The following SDK2 variants were observed in gnomAD, a reference collection of about 807,000 sequenced individuals.
SDK2 encodes protein sidekick-2.
SDK2 carries 105 observed loss-of-function variants against 253.9 expected under a neutral mutation model. That is an observed-to-expected ratio of 0.41 (90% CI 0.35 to 0.49). SDK2 has a LOEUF of 0.49. SDK2 is among the 20% of genes least tolerant of loss of function. The probability of loss-of-function intolerance (pLI) is 0.06; values close to 1 mark genes in which losing one functional copy is unlikely to be tolerated. For missense variants in SDK2, 2,608 were observed against 3,003.0 expected, an observed-to-expected ratio of 0.87 and a Z score of 3.07; for synonymous variants, 1,249 against 1,234.9, an observed-to-expected ratio of 1.01 and a Z score of -0.24.
intron 24 of SDK2, among the ~76,000 whole-genome samples, chr17:73,397,386 G>T (rs2062979680): frequency 1.3e-5 from 2 of 152,200 alleles, no homozygotes; most frequent in South Asian, 2.1e-4. Context: ...GATTCCCCGG[G>T]TTGGGACCTC....
In SDK2 at chr17:73,395,263, T is replaced by C. The variant is rs779502040; in HGVS notation, c.3484A>G (p.Ile1162Val). The C allele has an allele frequency of 6.2e-7, 1 of 1,613,892 alleles. No individual in the cohort carries two copies. Among genetic ancestry groups the C allele is most frequent in the East Asian group, 2.2e-5 (1 of 44,878 alleles). Residue 1162 changes from isoleucine to valine, a missense_variant, in exon 25 of 45, where the codon ATC (isoleucine) becomes GTC (valine). Ile to Val is a conservative substitution (Grantham distance 29, BLOSUM62 3). Around this residue, in one of 2 missense-constraint regions of SDK2, gnomAD observed 1,505 missense variants for 1,859.1 expected, o/e 0.81. Coordinates refer to ENST00000392650, the MANE Select transcript of SDK2 (RefSeq NM_001144952.2). This position sits in a 1 kb window ranked among gnomAD's most constrained non-coding sequence, Gnocchi z 4.3. The stretch of plus-strand genomic sequence containing the variant: ...TCTGTCCACTCCTCCAGGTCCTCGA[T>C]GGTGTAGTCCCGCTCCACACGGTCC... ...VQDRVERDYTIEDLEEWTEYR... is the reference protein window; with the variant it reads ...VQDRVERDYTVEDLEEWTEYR...
In SDK2 at chr17:73,358,049, G is replaced by A. The variant is rs761118648; in HGVS notation, c.5593+30C>T. ...AGGAAGAAGGGAGATAATGAGCTGT[G>A]GGGTCTCAGCCCAGCAGGGCGGGGC... On this transcript the variant is annotated intron_variant, in intron 40 of 44. Transcript: ENST00000392650. 9.9e-6 allele frequency: 16 copies of A among 1,612,562 alleles called. No individual in the cohort carries two copies. The South Asian group carries it at 1.8e-4, about 18-fold the overall frequency.
intron 18 of SDK2, among the ~76,000 whole-genome samples, chr17:73,407,529 C>A (rs925170571): frequency 7.9e-5 from 12 of 152,256 alleles, no homozygotes; most frequent in African/African-American, 2.4e-4. Flanking sequence ...AAGACGTCCC[C>A]CTCCAACCCA....
At chr17:73,406,029 C>T (rs1333503714) in intron 18 of SDK2, among the ~76,000 whole-genome samples, 1 of 151,664 alleles carries the variant, frequency 6.6e-6, no homozygotes, top group Admixed American at 6.6e-5. Context: ...GGCCCCTCCT[C>T]TTATATATCT....
rs1372282994 is a variant in SDK2 at position 73,642,628 on chromosome 17, CAA to C, written c.64+1395_64+1396del. On this transcript the variant is annotated intron_variant, in intron 1 of 44. Transcript: ENST00000392650. The surrounding 1 kb of genome is among the most constrained non-coding windows in gnomAD (Gnocchi z 4.7). ...CCCCAGATCACAGAGTGGCCTTGGG[CAA>C]GTCATTTAATGCCATTTGGCCTCAG... Among the ~76,000 whole-genome samples the C allele has an allele frequency of 6.6e-6, 1 of 152,142 alleles. No individual in the cohort carries two copies. The highest frequency in any genetic ancestry group is 1.9e-4 in the East Asian group (1 of 5,180).
chr17:73,627,328 AAAATAACATG>A (rs2046214953), intron 1 of SDK2, among the ~76,000 whole-genome samples: 1 of 152,184 alleles, frequency 6.6e-6, no homozygotes, highest in Non-Finnish European at 1.5e-5. Context: ...GGCGGCACAT[AAAATAACATG>A]CCTTATAATT....
rs537900379 is a variant in SDK2, at chr17:73,420,188, G to A, written c.2046-882C>T. On this transcript the variant is annotated intron_variant, in intron 15 of 44. Transcript: ENST00000392650. The stretch of plus-strand genomic sequence containing the variant: ...AGCACGTCTTTCTCTGGCATTGCTG[G>A]GGGATGCTGTGTTCTGCCTAAGTGT... 2.4e-4 allele frequency among the ~76,000 whole-genome samples: 37 copies of A among 152,350 alleles called. 1 individual carries two copies. In the East Asian group the frequency reaches 6.9e-3, roughly 29 times the overall value.
At position 73,412,036 on chromosome 17, in the gene SDK2, G is replaced by GTA. The variant is rs1306513151; in HGVS notation, c.2484+2606_2484+2607dup. 6.6e-3 allele frequency among the ~76,000 whole-genome samples: 20 copies of GTA among 3,024 alleles called. No homozygotes were observed. In the East Asian group the frequency reaches 0.079, roughly 12 times the overall value. 2.0% of individuals were successfully genotyped at this position (3,024 alleles called of 152,430 possible). Reference sequence around the variant, plus strand: ...TAGATATACGTATATGTATATATACGTATATATATGTATATACGTATATGT... The same window carrying GTA: ...TAGATATACGTATATGTATATATACGTATATATATATGTATATACGTATATGT... On this transcript the variant is annotated intron_variant, in intron 18 of 44. Transcript: ENST00000392650.
chr17:73,629,711 C>T lies in SDK2; in HGVS notation c.64+14314G>A, dbSNP rs931012063. Among the ~76,000 whole-genome samples, 11 of 152,082 alleles carry T rather than the reference C, an allele frequency of 7.2e-5. No individual in the cohort carries two copies. The highest frequency in any genetic ancestry group is 1.9e-4 in the African/African-American group (8 of 41,388). ...CACAGGCTTGCTGCCTTCACTTGACCGTGAGCAATTTGAGGGCAAGGACCT... is the reference window on the plus strand; with the variant it reads ...CACAGGCTTGCTGCCTTCACTTGACTGTGAGCAATTTGAGGGCAAGGACCT... On this transcript the variant is annotated intron_variant, in intron 1 of 44. Transcript: ENST00000392650. This position sits in a 1 kb window ranked among gnomAD's most constrained non-coding sequence, Gnocchi z 5.0.
At chr17:73,502,812 T>G (rs1454720164) in intron 2 of SDK2, among the ~76,000 whole-genome samples, 1 of 152,222 alleles carries the variant, frequency 6.6e-6, no homozygotes, top group Non-Finnish European at 1.5e-5. Context: ...AGTCCCAAGT[T>G]ATCCCTCTAT....
chr17:73,423,665 T>C (rs2063253470), intron 13 of SDK2, 143 bp from the exon 14 acceptor site: 3 of 1,072,944 alleles, frequency 2.8e-6, no homozygotes, highest in East Asian at 2.8e-5. Context: ...GCCATCTACC[T>C]GGAGATTTTT....
intron 36 of SDK2, among the ~76,000 whole-genome samples, chr17:73,377,804 G>T (rs917534666): frequency 7.3e-5 from 11 of 151,590 alleles, no homozygotes; most frequent in Non-Finnish European, 7.4e-5. Context: ...TAGAGATGGG[G>T]TTTCACCATG....
At chr17:73,623,425 G>C (rs988562196) in intron 1 of SDK2, among the ~76,000 whole-genome samples, 1 of 152,126 alleles carries the variant, frequency 6.6e-6, no homozygotes, top group Non-Finnish European at 1.5e-5. Flanking sequence ...TTAAGTAGAG[G>C]AATAGAAAAG....
At chr17:73,555,787 A>G (rs1599675333) in intron 1 of SDK2, among the ~76,000 whole-genome samples, 1 of 152,322 alleles carries the variant, frequency 6.6e-6, no homozygotes, top group Non-Finnish European at 1.5e-5. Context: ...TATTCTGCAG[A>G]GGGGATCACT....
At chr17:73,607,685 T>C (rs117944288) in intron 1 of SDK2, among the ~76,000 whole-genome samples, 2,610 of 151,932 alleles carry the variant, frequency 0.017, 32 homozygotes, top group Non-Finnish European at 0.026. Flanking sequence ...CCAGAAGGGG[T>C]TGCAGGGCAG....
At chr17:73,426,173 T>C (rs1568398904) in intron 12 of SDK2, among the ~76,000 whole-genome samples, 1 of 146,238 alleles carries the variant, frequency 6.8e-6, no homozygotes, top group Non-Finnish European at 1.5e-5. Flanking sequence ...GCCTCCCTGG[T>C]AGCTGGGATT....
In SDK2 at chr17:73,414,051, C is replaced by CT. The variant is rs767123645; in HGVS notation, c.2484+592dup. On this transcript the variant is annotated intron_variant, in intron 18 of 44. Coordinates refer to ENST00000392650, the MANE Select transcript of SDK2 (RefSeq NM_001144952.2). ...TTTTTCTTCTTTTTCTCTCTCTCTT[C>CT]TTTTTTTTTTTTTGGGACAGAGTTT... 6.9e-3 allele frequency among the ~76,000 whole-genome samples: 994 copies of CT among 143,580 alleles called. 5 individuals are homozygous for CT. Among genetic ancestry groups the CT allele is most frequent in the African/African-American group, 0.02 (783 of 39,328 alleles). 94.2% of individuals were successfully genotyped at this position (143,580 alleles called of 152,430 possible).
At chr17:73,563,943 T>C (rs913830372) in intron 1 of SDK2, among the ~76,000 whole-genome samples, 16 of 152,062 alleles carry the variant, frequency 1.1e-4, no homozygotes, top group African/African-American at 3.9e-4. Context: ...ATATTTTTTG[T>C]AGAGACACGG....
At chr17:73,590,816 T>C (rs1194063585) in intron 1 of SDK2, among the ~76,000 whole-genome samples, 1 of 152,218 alleles carries the variant, frequency 6.6e-6, no homozygotes, top group Non-Finnish European at 1.5e-5. Flanking sequence ...TGGTATGCCC[T>C]TTCCAAATGG....
Sources: gnomAD v4.1 joint callset for allele counts (sites outside exome capture counted in the v4.1 genomes callset) on GRCh38, gnomAD v4.1.1 for gene constraint, gnomAD v4.1.1 regional missense constraint, Gnocchi (gnomAD v3.1) non-coding constraint, MANE v1.5 for transcripts, NCBI Gene and HGNC (gene_info 2026-07-23, HGNC 2026-07-21) for gene names.